Variants in CIBAR1 observed in about 807,000 individuals in gnomAD.
CIBAR1 encodes CBY1-interacting BAR domain-containing protein 1.
CIBAR1 carries 25 observed loss-of-function variants against 44.0 expected under a neutral mutation model. The ratio of observed to expected loss-of-function variants is 0.57; its 90% CI spans 0.41 to 0.79. The LOEUF is 0.79. Ranked by LOEUF, CIBAR1 falls within the 30% of genes least tolerant of loss-of-function variation. The pLI, the probability that CIBAR1 is intolerant of heterozygous loss-of-function variation, is 0.00. For synonymous variants in CIBAR1, 115 were observed against 119.0 expected, an observed-to-expected ratio of 0.97 and a Z score of 0.22; for missense variants, 278 against 344.8, an observed-to-expected ratio of 0.81 and a Z score of 1.53.
rs1273682877 is a variant in CIBAR1 at position 93,728,978 on chromosome 8, T to G, written c.*681T>G. 6.6e-6 allele frequency: 1 copy of G among 152,126 alleles called. No homozygotes were observed. The highest frequency in any genetic ancestry group is 1.5e-5 in the Non-Finnish European group (1 of 67,970). The allele number at this position is 152,126 out of a possible 1,614,324, so 9.4% of individuals were successfully genotyped here. A position where few individuals can be genotyped will look rare whatever the true frequency, so the allele number is the denominator to read the frequency against. ...AAGGCTAATTTGGTGGAATGTTGCC[T>G]CATCATAGAACACCATAGATCATTA... On this transcript the variant is annotated 3_prime_UTR_variant, in exon 9 of 9. Coordinates refer to ENST00000518322, the MANE Select transcript of CIBAR1 (RefSeq NM_145269.5).
Position 93,727,049 on chromosome 8 carries a change from CCAA to C in CIBAR1, c.777+541_777+543del, listed in dbSNP as rs1057127049. ...CTTTGTGGGCCATATGGTTTCTACCCCAACAACTATAAATAACAACTGTTAAGT... is the reference window on the plus strand; with the variant it reads ...CTTTGTGGGCCATATGGTTTCTACCCCAACTATAAATAACAACTGTTAAGT... On this transcript the variant is annotated intron_variant, in intron 8 of 8. Coordinates refer to ENST00000518322, the MANE Select transcript of CIBAR1 (RefSeq NM_145269.5). The C allele has an allele frequency of 9.5e-6, 5 of 526,418 alleles. No homozygotes were observed. The Admixed American group carries it at 1.2e-4, about 12-fold the overall frequency. The allele number at this position is 526,418 out of a possible 1,614,324, so 32.6% of individuals were successfully genotyped here. A position where few individuals can be genotyped will look rare whatever the true frequency, so the allele number is the denominator to read the frequency against.
intron 6 of CIBAR1, among the ~76,000 whole-genome samples, chr8:93,712,527 C>T (rs1810864392): frequency 1.3e-5 from 2 of 152,244 alleles, no homozygotes; most frequent in South Asian, 4.1e-4. Context: ...TTTATGTAGA[C>T]ATATATTTTC....
rs115190546 is a variant in CIBAR1, at chr8:93,717,915, C to T, written c.544-760C>T. 2.4e-3 allele frequency among the ~76,000 whole-genome samples: 366 copies of T among 152,312 alleles called. 1 individual carries two copies. Among genetic ancestry groups the T allele is most frequent in the African/African-American group, 7.9e-3 (330 of 41,552 alleles). Reference sequence around the variant, plus strand: ...ATCAACATGCACATCTTCACTCATACTCTTTGTTCATGATCTTCCTTGTCA... The same window carrying T: ...ATCAACATGCACATCTTCACTCATATTCTTTGTTCATGATCTTCCTTGTCA... On this transcript the variant is annotated intron_variant, in intron 6 of 8. Transcript: ENST00000518322.
chr8:93,718,235 TAC>T (rs1811108489), intron 6 of CIBAR1, among the ~76,000 whole-genome samples: 1 of 152,246 alleles, frequency 6.6e-6, no homozygotes, highest in African/African-American at 2.4e-5. Context: ...ACAAGTAGCA[TAC>T]AGTGTGGAAC....
At chr8:93,723,239 G>A (rs1033856890) in intron 7 of CIBAR1, among the ~76,000 whole-genome samples, 2 of 152,134 alleles carry the variant, frequency 1.3e-5, no homozygotes, top group African/African-American at 2.4e-5. Flanking sequence ...CTCATGATCC[G>A]CCCGCCTTGG....
rs189051154 is a variant in CIBAR1, at chr8:93,722,412, C to T, written c.657+3624C>T. ...TTAATTGTTCTTCACATAAAAAGTA[C>T]TGTCAGCTGGGCGCGGTGGCTCATG... is the stretch of plus-strand genomic sequence containing the variant. On this transcript the variant is annotated intron_variant, in intron 7 of 8. Coordinates refer to ENST00000518322, the MANE Select transcript of CIBAR1 (RefSeq NM_145269.5). Among the ~76,000 whole-genome samples the T allele has an allele frequency of 3.3e-4, 50 of 152,234 alleles. No homozygotes were observed. The East Asian group carries it at 9.3e-3, about 28-fold the overall frequency.
chr8:93,707,108 T>A (rs200755937), intron 4 of CIBAR1: 2 of 239,566 alleles, frequency 8.3e-6, no homozygotes, highest in East Asian at 1.3e-4. Flanking sequence ...GAACTCTTAA[T>A]TAATTCCATT....
At position 93,727,212 on chromosome 8, in the gene CIBAR1, T is replaced by A. The variant is rs78295743; in HGVS notation, c.777+699T>A. 3.0e-5 allele frequency: 39 copies of A among 1,279,848 alleles called. No individual in the cohort carries two copies. The East Asian group carries it at 2.0e-3, about 66-fold the overall frequency. The allele number at this position is 1,279,848 out of a possible 1,614,324, so 79.3% of individuals were successfully genotyped here. ...ATATCTAGCCTTCAGAATATAAAAT[T>A]CAACAAACTTATTTTCAAGATACAA... On this transcript the variant is annotated intron_variant, in intron 8 of 8. Coordinates refer to ENST00000518322, the MANE Select transcript of CIBAR1 (RefSeq NM_145269.5).
rs768666867 is a variant in CIBAR1, at chr8:93,700,603, C to T, written c.-45C>T. 1 of 1,470,804 alleles carries T rather than the reference C, an allele frequency of 6.8e-7. No homozygotes were observed. Among genetic ancestry groups the T allele is most frequent in the South Asian group, 1.3e-5 (1 of 76,226 alleles). The allele number at this position is 1,470,804 out of a possible 1,614,324, so 91.1% of individuals were successfully genotyped here. ...CGCGCGCCCAGGCGCCTTGGAATCC[C>T]CGTCCTTGGGCCCCCGCAAGGTCCC... On this transcript the variant is annotated 5_prime_UTR_variant, in exon 1 of 9. Coordinates refer to ENST00000518322, the MANE Select transcript of CIBAR1 (RefSeq NM_145269.5).
At chr8:93,708,039 A>G in intron 5 of CIBAR1, 23 bp downstream of exon 5, 2 of 1,552,408 alleles carry the variant, frequency 1.3e-6, no homozygotes, top group Non-Finnish European at 1.7e-6. Context: ...GTGGTGTGTC[A>G]AGAAATGGAT....
chr8:93,705,094 C>T (rs1210511835), intron 4 of CIBAR1, 84 bp downstream of exon 4: 1 of 838,972 alleles, frequency 1.2e-6, no homozygotes, highest in Non-Finnish European at 2.0e-6. Context: ...TGCATTTTTA[C>T]TTTTAAACGA....
In CIBAR1 at chr8:93,701,459, G is replaced by C. The variant is rs1351376100; in HGVS notation, c.261+1G>C. 3 of 1,611,612 alleles carry C rather than the reference G, an allele frequency of 1.9e-6. No homozygotes were observed. The highest frequency in any genetic ancestry group is 1.3e-5 in the African/African-American group (1 of 74,850). ...ACTTCAGGATTATCGACAAGCAGAGGTATGGAGTGAGATCACAGTGTCATT... is the reference window on the plus strand; with the variant it reads ...ACTTCAGGATTATCGACAAGCAGAGCTATGGAGTGAGATCACAGTGTCATT... On this transcript the variant is annotated splice_donor_variant, in intron 2 of 8. Coordinates refer to ENST00000518322, the MANE Select transcript of CIBAR1 (RefSeq NM_145269.5). LOFTEE classifies it high-confidence loss of function.
Position 93,731,335 on chromosome 8 carries a change from T to G in CIBAR1, c.*3038T>G, listed in dbSNP as rs930005867. The G allele has an allele frequency of 6.6e-6, 1 of 152,186 alleles. No homozygotes were observed. The highest frequency in any genetic ancestry group is 6.5e-5 in the Admixed American group (1 of 15,276). 9.4% of individuals were successfully genotyped at this position (152,186 alleles called of 1,614,324 possible). A position where few individuals can be genotyped will look rare whatever the true frequency, so the allele number is the denominator to read the frequency against. On this transcript the variant is annotated 3_prime_UTR_variant, in exon 9 of 9. Transcript: ENST00000518322. ...GAAGCATTTTTTAACTTTCCATATATTATTCAAAATGGGTGACCAAATGAA... is the reference window on the plus strand; with the variant it reads ...GAAGCATTTTTTAACTTTCCATATAGTATTCAAAATGGGTGACCAAATGAA...
At chr8:93,712,066 AT>A (rs1810846146) in intron 6 of CIBAR1, among the ~76,000 whole-genome samples, 1 of 152,142 alleles carries the variant, frequency 6.6e-6, no homozygotes, top group Non-Finnish European at 1.5e-5. Context: ...CAGAAGAAAA[AT>A]TTTTTAAAAG....
chr8:93,728,936 G>A lies in CIBAR1; in HGVS notation c.*639G>A, dbSNP rs546477953. The A allele has an allele frequency of 6.6e-6, 1 of 152,120 alleles. No homozygotes were observed. Among genetic ancestry groups the A allele is most frequent in the East Asian group, 1.9e-4 (1 of 5,178 alleles). 9.4% of individuals were successfully genotyped at this position (152,120 alleles called of 1,614,324 possible). On this transcript the variant is annotated 3_prime_UTR_variant, in exon 9 of 9. Transcript: ENST00000518322. ...CAAAACTGCTGTCATAATTATACAT[G>A]ATACTGCAACTTTTGGAAGGCTAAT...
chr8:93,716,538 A>G (rs575782393), intron 6 of CIBAR1, among the ~76,000 whole-genome samples: 1 of 152,178 alleles, frequency 6.6e-6, no homozygotes, highest in South Asian at 2.1e-4. Context: ...ATTTCTTACT[A>G]ATTTCTAAAA....
chr8:93,707,332 G>A, intron 4 of CIBAR1: 1 of 299,820 alleles, frequency 3.3e-6, no homozygotes, highest in Middle Eastern at 4.0e-4. Context: ...GAAATAAATA[G>A]TAGTTGCTGG....
intron 1 of CIBAR1, 89 bp from the exon 2 acceptor site, chr8:93,701,135 T>G: frequency 6.6e-7 from 1 of 1,519,826 alleles, no homozygotes. Flanking sequence ...AGCTGCAGAA[T>G]GCCCGGGGAA....
At chr8:93,724,678 T>A in intron 7 of CIBAR1, 1 of 1,179,794 alleles carries the variant, frequency 8.5e-7, no homozygotes, top group East Asian at 6.5e-5. Flanking sequence ...ATAGCTAATC[T>A]AGAGCTACAC....
Sources: gnomAD v4.1 joint callset for allele counts (sites outside exome capture counted in the v4.1 genomes callset) on GRCh38, gnomAD v4.1.1 for gene constraint, MANE v1.5 for transcripts, NCBI Gene and HGNC (gene_info 2026-07-23, HGNC 2026-07-21) for gene names.